TECR: variants seen among roughly 807,000 people sequenced by gnomAD.
TECR encodes very-long-chain enoyl-CoA reductase.
Under a neutral mutation model 50.6 loss-of-function variants are expected in TECR, and 19 were observed. The ratio of observed to expected loss-of-function variants is 0.38; its 90% CI spans 0.26 to 0.55. The LOEUF (loss-of-function observed/expected upper bound fraction) is 0.55, where lower values mean the gene tolerates loss of function less well. Ranked by LOEUF, TECR falls within the 20% of genes least tolerant of loss-of-function variation. TECR has a pLI of 0.79. For missense variants in TECR, 313 were observed against 408.3 expected (o/e 0.77, Z 2.01); for synonymous variants, 168 against 163.5 (o/e 1.03, Z -0.21).
intron 1 of TECR, among the ~76,000 whole-genome samples, chr19:14,548,326 T>C (rs2073375314): frequency 6.6e-6 from 1 of 152,124 alleles, no homozygotes; most frequent in South Asian, 2.1e-4. Flanking sequence ...TGAACCTGCA[T>C]TTCCCCACCC....
At chr19:14,557,114 C>CTTATTTATTTATTTATTTATTTAT (rs3050003) in intron 1 of TECR, among the ~76,000 whole-genome samples, 50 of 140,450 alleles carry the variant, frequency 3.6e-4, no homozygotes, top group Middle Eastern at 7.0e-3. Flanking sequence ...TTGGTCTAAT[C>CTTATTTATTTATTTATTTATTTAT]TTATTTATTT....
At chr19:14,543,419 A>ATTTTTTTT (rs1169742953) in intron 1 of TECR, among the ~76,000 whole-genome samples, 1 of 21,894 alleles carries the variant, frequency 4.6e-5, no homozygotes, top group Non-Finnish European at 7.3e-5. Flanking sequence ...ATATATATAT[A>ATTTTTTTT]TTTTTTTTTT....
At chr19:14,531,139 A>T (rs1266248648) in intron 1 of TECR, 2 of 151,874 alleles carry the variant, frequency 1.3e-5, no homozygotes, top group East Asian at 3.9e-4. Context: ...GGTTTAAGCG[A>T]TTCTCCTGCC....
intron 1 of TECR, among the ~76,000 whole-genome samples, chr19:14,535,659 C>A (rs2072871775): frequency 8.0e-6 from 1 of 125,064 alleles, no homozygotes; most frequent in African/African-American, 3.2e-5. Context: ...GAGACTGAGG[C>A]AGGAGAATTC....
chr19:14,538,520 C>T (rs1402236707), intron 1 of TECR, among the ~76,000 whole-genome samples: 1 of 141,594 alleles, frequency 7.1e-6, no homozygotes, highest in African/African-American at 2.7e-5. Flanking sequence ...TGGAAGGCCT[C>T]AAAACTCTTT....
intron 1 of TECR, chr19:14,530,072 AATCTTGCGCCACGCC>A: frequency 7.8e-6 from 3 of 385,392 alleles, no homozygotes; most frequent in Non-Finnish European, 1.5e-5. Flanking sequence ...GTCTTGCACA[AATCTTGCGCCACGCC>A]GCCGTCACCA....
intron 1 of TECR, among the ~76,000 whole-genome samples, chr19:14,549,211 C>CTTTTTTTTT (rs561284094): frequency 2.3e-4 from 26 of 111,160 alleles, no homozygotes; most frequent in South Asian, 3.3e-4. Context: ...TTTAATTGGA[C>CTTTTTTTTT]TTTTTTTTTT....
chr19:14,531,026 C>T (rs1177503133), intron 1 of TECR: 2 of 152,078 alleles, frequency 1.3e-5, no homozygotes, highest in African/African-American at 4.8e-5. Flanking sequence ...ACCTTGGATA[C>T]GTAGAAGGAT....
Position 14,565,815 on chromosome 19 carries a change from A to C in TECR, c.871A>C (p.Lys291Gln). The part of the protein sequence containing the change: ...WAKGKHRSYL[K>Q]EFRDYPPLRM... The stretch of plus-strand genomic sequence containing the variant: ...CAAGGGCAAGCACCGCAGCTACCTG[A>C]AGGAGTTCCGGGACTACCCGCCCCT... Residue 291 changes from lysine to glutamine, a missense_variant, in exon 13 of 13, where the codon AAG (lysine) becomes CAG (glutamine). Transcript: ENST00000215567. 6.2e-7 allele frequency: 1 copy of C among 1,601,604 alleles called. No individual in the cohort carries two copies. The highest frequency in any genetic ancestry group is 8.5e-7 in the Non-Finnish European group (1 of 1,175,256).
chr19:14,540,330 AGT>A (rs2073054545), intron 1 of TECR, among the ~76,000 whole-genome samples: 1 of 151,468 alleles, frequency 6.6e-6, no homozygotes, highest in African/African-American at 2.4e-5. Context: ...AGCCTCCCAA[AGT>A]GTTGGGATTA....
At chr19:14,529,853 C>T in intron 1 of TECR, 142 bp downstream of exon 1, 1 of 1,140,632 alleles carries the variant, frequency 8.8e-7, no homozygotes, top group Non-Finnish European at 1.3e-6. Context: ...AAGCGTTGCG[C>T]CCCGGGCCAC....
At chr19:14,534,193 T>C (rs8112536) in intron 1 of TECR, 30,304 of 150,598 alleles carry the variant, frequency 0.2, 3,408 homozygotes, top group African/African-American at 0.3. Flanking sequence ...GGCTCCATCT[T>C]GGCTCACTGT....
At chr19:14,565,371 G>A (rs2074046539) in intron 11 of TECR, 81 bp downstream of exon 11, 2 of 1,547,122 alleles carry the variant, frequency 1.3e-6, no homozygotes, top group South Asian at 1.1e-5. Flanking sequence ...GGGGCGCCTG[G>A]CTGGGCAGCT....
At chr19:14,529,845 G>A in intron 1 of TECR, 134 bp downstream of exon 1, 2 of 1,258,402 alleles carry the variant, frequency 1.6e-6, no homozygotes, top group South Asian at 2.5e-5. Flanking sequence ...CAGTGGGCAA[G>A]CGTTGCGCCC....
chr19:14,563,161 G>C lies in TECR; in HGVS notation c.67-45G>C. ...TTTAGTACCTCCCCATCCTGAGTCT[G>C]GGCTCCCCGCAGAGCTGACGTCCCT... On this transcript the variant is annotated intron_variant, in intron 2 of 12. Transcript: ENST00000215567. This position sits in a 1 kb window ranked among gnomAD's most constrained non-coding sequence, Gnocchi z 5.3. The C allele has an allele frequency of 6.2e-7, 1 of 1,613,494 alleles. No individual in the cohort carries two copies.
chr19:14,544,994 C>T (rs2073250687), intron 1 of TECR: 2 of 425,980 alleles, frequency 4.7e-6, no homozygotes, highest in Non-Finnish European at 9.5e-6. Context: ...CTTTTCACTC[C>T]TTCCCTTCTC....
At chr19:14,562,628 C>T in intron 2 of TECR, 53 bp downstream of exon 2, 2 of 1,600,970 alleles carry the variant, frequency 1.2e-6, no homozygotes, top group East Asian at 2.2e-5. Flanking sequence ...CCCGGGACCC[C>T]AATCCTTATA....
At chr19:14,537,314 CAAG>C (rs1231195789) in intron 1 of TECR, among the ~76,000 whole-genome samples, 1 of 149,422 alleles carries the variant, frequency 6.7e-6, no homozygotes, top group Non-Finnish European at 1.5e-5. Context: ...GACCGAGTAA[CAAG>C]AAGGTGGGAC....
At chr19:14,562,623 G>A in intron 2 of TECR, 48 bp downstream of exon 2, 1 of 1,606,584 alleles carries the variant, frequency 6.2e-7, no homozygotes, top group Non-Finnish European at 8.5e-7. Flanking sequence ...CTGGGCCCGG[G>A]ACCCCAATCC....
Sources: allele counts gnomAD v4.1 joint callset (sites outside exome capture counted in the v4.1 genomes callset), GRCh38; gene constraint gnomAD v4.1.1; non-coding constraint Gnocchi (gnomAD v3.1); transcripts MANE v1.5; gene names NCBI Gene and HGNC (gene_info 2026-07-23, HGNC 2026-07-21).